Variants in PPM1H observed in about 807,000 individuals in gnomAD.
PPM1H encodes the protein protein phosphatase 1H.
Under a neutral mutation model 54.9 loss-of-function variants are expected in PPM1H, and 27 were observed. The observed-to-expected ratio is 0.49, with a 90% CI of 0.36 to 0.68. The LOEUF (loss-of-function observed/expected upper bound fraction) is 0.68, where lower values mean the gene tolerates loss of function less well. Ranked by LOEUF, PPM1H falls within the 30% of genes least tolerant of loss-of-function variation. PPM1H has a pLI of 0.00. For synonymous variants in PPM1H, 305 were observed against 270.8 expected (o/e 1.13, Z -1.24); for missense variants, 596 against 667.8 (o/e 0.89, Z 1.19).
chr12:62,768,322 A>C (rs1033117377), intron 4 of PPM1H, among the ~76,000 whole-genome samples: 8 of 152,104 alleles, frequency 5.3e-5, no homozygotes, highest in Admixed American at 2.0e-4. Flanking sequence ...ATGAGGGGGA[A>C]ATGCAGCCAG....
At chr12:62,791,691 C>G (rs933023126) in intron 3 of PPM1H, among the ~76,000 whole-genome samples, 5 of 152,124 alleles carry the variant, frequency 3.3e-5, no homozygotes, top group African/African-American at 9.7e-5. Flanking sequence ...GAGGCTCAGG[C>G]AGGTGGATCA....
chr12:62,906,763 A>G (rs1391567591), intron 1 of PPM1H, among the ~76,000 whole-genome samples: 2 of 152,236 alleles, frequency 1.3e-5, no homozygotes, highest in Non-Finnish European at 2.9e-5. Context: ...AGTTGATAAG[A>G]GTTCTTCCGT....
At chr12:62,840,497 G>A (rs2628040) in intron 1 of PPM1H, among the ~76,000 whole-genome samples, 123 of 152,236 alleles carry the variant, frequency 8.1e-4, no homozygotes, top group Middle Eastern at 3.4e-3. Flanking sequence ...GGCCTATGTC[G>A]CAAGGGATCT....
At chr12:62,726,561 G>A (rs1315131032) in intron 5 of PPM1H, among the ~76,000 whole-genome samples, 5 of 152,136 alleles carry the variant, frequency 3.3e-5, no homozygotes, top group Non-Finnish European at 7.4e-5. Context: ...AATAATTTTA[G>A]GGAAAGCCAA....
intron 6 of PPM1H, among the ~76,000 whole-genome samples, chr12:62,694,859 T>C (rs987889733): frequency 2.6e-4 from 40 of 152,178 alleles, no homozygotes; most frequent in Admixed American, 9.2e-4. Context: ...TAGTGGCAGT[T>C]ATTACTAATA....
chr12:62,687,948 G>T (rs531922046), intron 8 of PPM1H, among the ~76,000 whole-genome samples: 1 of 148,468 alleles, frequency 6.7e-6, no homozygotes. Context: ...GGTGGAGGGT[G>T]CAGTGAGCCA....
At chr12:62,733,474 G>C (rs1207238936) in intron 5 of PPM1H, among the ~76,000 whole-genome samples, 1 of 152,090 alleles carries the variant, frequency 6.6e-6, no homozygotes, top group Non-Finnish European at 1.5e-5. Context: ...GGCCAGGCTG[G>C]TCTCGAACTC....
chr12:62,753,610 A>G (rs1249877515), intron 4 of PPM1H, among the ~76,000 whole-genome samples: 4 of 152,212 alleles, frequency 2.6e-5, no homozygotes, highest in African/African-American at 9.7e-5. Flanking sequence ...TGTTGGATGT[A>G]AAATCGGAAC....
intron 4 of PPM1H, among the ~76,000 whole-genome samples, chr12:62,748,933 T>A (rs2076427013): frequency 6.6e-6 from 1 of 152,166 alleles, no homozygotes. Flanking sequence ...ACTTTCAAGG[T>A]TAGAGTGAAA....
intron 1 of PPM1H, among the ~76,000 whole-genome samples, chr12:62,838,342 G>A (rs987872707): frequency 4.4e-5 from 6 of 136,222 alleles, no homozygotes; most frequent in Non-Finnish European, 7.6e-5. Flanking sequence ...TGTGTGTGGG[G>A]GGGGGGAGAT....
intron 4 of PPM1H, among the ~76,000 whole-genome samples, chr12:62,772,419 A>T (rs780730488): frequency 6.6e-5 from 10 of 152,218 alleles, no homozygotes; most frequent in Non-Finnish European, 1.0e-4. Flanking sequence ...TGTGCACTTT[A>T]GCTATGGGTC....
At chr12:62,801,708 G>A in intron 3 of PPM1H, 108 bp downstream of exon 3, 3 of 1,223,898 alleles carry the variant, frequency 2.5e-6, no homozygotes, top group Non-Finnish European at 3.4e-6. Flanking sequence ...TCCAGGTGGA[G>A]CCAGGCAGCA....
intron 1 of PPM1H, among the ~76,000 whole-genome samples, chr12:62,848,902 G>A (rs531386086): frequency 6.6e-6 from 1 of 152,218 alleles, no homozygotes; most frequent in South Asian, 2.1e-4. Context: ...GGCAGTCACT[G>A]GGAGTGGGAC....
intron 4 of PPM1H, among the ~76,000 whole-genome samples, chr12:62,766,826 G>A (rs2076546953): frequency 6.6e-6 from 1 of 152,156 alleles, no homozygotes; most frequent in Admixed American, 6.5e-5. Context: ...CTTTACCAGG[G>A]ATAGATTTGA....
At chr12:62,802,893 G>A (rs1184620084) in intron 2 of PPM1H, among the ~76,000 whole-genome samples, 4 of 152,120 alleles carry the variant, frequency 2.6e-5, no homozygotes, top group Admixed American at 6.5e-5. Context: ...GTGAGCCACC[G>A]TGCCTGGAAC....
In PPM1H at chr12:62,817,092, T is replaced by C. The variant is rs533707728; in HGVS notation, c.412-14932A>G. Among the ~76,000 whole-genome samples the C allele has an allele frequency of 1.2e-3, 123 of 98,824 alleles. 4 individuals are homozygous for C. Among genetic ancestry groups the C allele is most frequent in the Non-Finnish European group, 5.2e-4 (27 of 51,532 alleles). 64.8% of individuals were successfully genotyped at this position (98,824 alleles called of 152,430 possible). A position where few individuals can be genotyped will look rare whatever the true frequency, so the allele number is the denominator to read the frequency against. On this transcript the variant is annotated intron_variant, in intron 2 of 9. Coordinates refer to ENST00000228705, the MANE Select transcript of PPM1H (RefSeq NM_020700.2). ...TTCTATGTCCCTAGAACTAAAAGAG[T>C]TTTGAAAGAAACCACTGCATTACTA...
intron 3 of PPM1H, among the ~76,000 whole-genome samples, chr12:62,789,511 C>T (rs1326740483): frequency 6.6e-6 from 1 of 152,184 alleles, no homozygotes; most frequent in Non-Finnish European, 1.5e-5. Context: ...ACTTATAGGG[C>T]TTCTGAACTC....
Position 62,650,036 on chromosome 12 carries a change from C to T in PPM1H, c.1398-1400G>A, listed in dbSNP as rs536288618. Among the ~76,000 whole-genome samples the T allele has an allele frequency of 1.2e-4, 18 of 152,308 alleles. No individual in the cohort carries two copies. In the South Asian group the frequency reaches 2.7e-3, roughly 23 times the overall value. ...TCTACTTGGAATGTTTCAGTAGTCTCGCCTTCAGAGCTGTGAGTTATGGAA... is the reference window on the plus strand; with the variant it reads ...TCTACTTGGAATGTTTCAGTAGTCTTGCCTTCAGAGCTGTGAGTTATGGAA... On this transcript the variant is annotated intron_variant, in intron 9 of 9. Transcript: ENST00000228705.
chr12:62,771,353 G>A (rs1040088338), intron 4 of PPM1H, among the ~76,000 whole-genome samples: 1 of 151,572 alleles, frequency 6.6e-6, no homozygotes, highest in African/African-American at 2.4e-5. Flanking sequence ...CCTTTGGAGT[G>A]TGCTGACTTG....
Sources: gnomAD v4.1 joint callset for allele counts (sites outside exome capture counted in the v4.1 genomes callset) on GRCh38, gnomAD v4.1.1 for gene constraint, MANE v1.5 for transcripts, NCBI Gene and HGNC (gene_info 2026-07-23, HGNC 2026-07-21) for gene names.